Variants in DLEU7 observed in about 807,000 individuals in gnomAD.
The protein encoded by DLEU7 is leukemia-associated protein 7.
In DLEU7, 17 loss-of-function variants were observed where a neutral mutation model predicts 16.0. The ratio of observed to expected loss-of-function variants is 1.06; its 90% CI spans 0.73 to 1.59. DLEU7 has a LOEUF of 1.59. DLEU7 is among the 40% of genes most tolerant of loss of function. The pLI is 0.00. For synonymous variants in DLEU7, 113 were observed against 139.8 expected (o/e 0.81, Z 1.35); for missense variants, 308 against 314.9 (o/e 0.98, Z 0.17).
At chr13:50,760,285 T>C (rs993673698) in intron 1 of DLEU7, among the ~76,000 whole-genome samples, 2 of 152,218 alleles carry the variant, frequency 1.3e-5, no homozygotes, top group African/African-American at 4.8e-5. Flanking sequence ...TAATTAAACA[T>C]CTTTGAATAC....
upstream of DLEU7, chr13:50,843,703 G>A: frequency 6.8e-7 from 1 of 1,476,210 alleles, no homozygotes; most frequent in Non-Finnish European, 8.9e-7. This position sits in a 1 kb window ranked among gnomAD's most constrained non-coding sequence, Gnocchi z 5.7. Flanking sequence ...AGCGAGGGAG[G>A]CGGGGGCGTT....
At chr13:50,814,443 T>C (rs1255332457) in intron 1 of DLEU7, among the ~76,000 whole-genome samples, 1 of 152,082 alleles carries the variant, frequency 6.6e-6, no homozygotes, top group Non-Finnish European at 1.5e-5. Flanking sequence ...AGTTTATTTA[T>C]ATAAATTATG....
intron 1 of DLEU7, among the ~76,000 whole-genome samples, chr13:50,836,999 G>A (rs1179411801): frequency 6.6e-6 from 1 of 152,158 alleles, no homozygotes; most frequent in African/African-American, 2.4e-5. Context: ...ACAAATCACA[G>A]GGCCCAGAGC....
At chr13:50,713,869 C>T (rs896946707) in intron 1 of DLEU7, among the ~76,000 whole-genome samples, 5 of 152,182 alleles carry the variant, frequency 3.3e-5, no homozygotes, top group African/African-American at 1.2e-4. Context: ...TGCCTCCCTC[C>T]TCAGACACAC....
At chr13:50,837,495 C>T (rs1438971245) in intron 1 of DLEU7, among the ~76,000 whole-genome samples, 1 of 152,286 alleles carries the variant, frequency 6.6e-6, no homozygotes, top group African/African-American at 2.4e-5. Context: ...TCACCGTATC[C>T]GTGGCTTACG....
At chr13:50,775,555 G>A (rs1875468830) in intron 1 of DLEU7, among the ~76,000 whole-genome samples, 1 of 152,122 alleles carries the variant, frequency 6.6e-6, no homozygotes. Flanking sequence ...GTGTAGACTA[G>A]GAATCGGCCA....
intron 1 of DLEU7, among the ~76,000 whole-genome samples, chr13:50,715,160 A>G (rs1337470233): frequency 6.6e-6 from 1 of 152,160 alleles, no homozygotes; most frequent in East Asian, 1.9e-4. Context: ...AGAGCCAGCG[A>G]GAGTGTGAGT....
At position 50,823,121 on chromosome 13, in the gene DLEU7, T is replaced by C; in HGVS notation, c.*193A>G. On this transcript the variant is annotated 3_prime_UTR_variant, in exon 2 of 2. Transcript: ENST00000504404. ...TATACTTAAAAATATGAACTACTGCTTTAAAAAAATTTCATTAACATGCTA... is the reference window on the plus strand; with the variant it reads ...TATACTTAAAAATATGAACTACTGCCTTAAAAAAATTTCATTAACATGCTA... 1 of 1,386,430 alleles carries C rather than the reference T, an allele frequency of 7.2e-7. No homozygotes were observed. 85.9% of individuals were successfully genotyped at this position (1,386,430 alleles called of 1,614,324 possible).
At chr13:50,804,700 C>T (rs1876341846) in intron 1 of DLEU7, among the ~76,000 whole-genome samples, 1 of 152,116 alleles carries the variant, frequency 6.6e-6, no homozygotes. Context: ...CCAGCCTAGG[C>T]CTCTCAAAGT....
downstream of DLEU7, chr13:50,711,481 G>GA (rs1312014581): frequency 6.6e-6 from 1 of 152,060 alleles, no homozygotes; most frequent in African/African-American, 2.4e-5. Context: ...AGAAAATGAA[G>GA]AAAAAAGCCT....
At chr13:50,744,531 A>G (rs952993064) in intron 1 of DLEU7, among the ~76,000 whole-genome samples, 4 of 152,204 alleles carry the variant, frequency 2.6e-5, no homozygotes, top group Non-Finnish European at 5.9e-5. Flanking sequence ...CAGTAAGCAT[A>G]CTTTTGTGGG....
At chr13:50,819,397 T>G (rs1444856107), downstream of DLEU7, among the ~76,000 whole-genome samples, 3 of 152,112 alleles carry the variant, frequency 2.0e-5, no homozygotes, top group Admixed American at 2.0e-4. Flanking sequence ...AAAGGGAAGC[T>G]ATTGGTAGAG....
chr13:50,747,738 T>C (rs1421541158), intron 1 of DLEU7, among the ~76,000 whole-genome samples: 1 of 152,192 alleles, frequency 6.6e-6, no homozygotes, highest in African/African-American at 2.4e-5. Flanking sequence ...ATGGGAGTTA[T>C]AAACTTTGAC....
At chr13:50,750,619 T>G (rs983098333) in intron 1 of DLEU7, among the ~76,000 whole-genome samples, 1 of 152,178 alleles carries the variant, frequency 6.6e-6, no homozygotes, top group African/African-American at 2.4e-5. Context: ...AAAAGCATTT[T>G]GTAGTTTTCC....
At chr13:50,815,702 G>A (rs59551851) in intron 1 of DLEU7, among the ~76,000 whole-genome samples, 12,330 of 152,088 alleles carry the variant, frequency 0.081, 677 homozygotes, top group African/African-American at 0.15. Context: ...CACTTATGGT[G>A]CATGTGAATT....
At chr13:50,715,165 G>A (rs577391105) in intron 1 of DLEU7, among the ~76,000 whole-genome samples, 128 of 152,318 alleles carry the variant, frequency 8.4e-4, no homozygotes, top group Admixed American at 2.5e-3. Flanking sequence ...CAGCGAGAGT[G>A]TGAGTGTGTG....
intron 1 of DLEU7, among the ~76,000 whole-genome samples, chr13:50,813,934 G>A (rs2137793167): frequency 6.6e-6 from 1 of 152,188 alleles, no homozygotes; most frequent in Non-Finnish European, 1.5e-5. Flanking sequence ...ACCCACACTT[G>A]GAAATATTCA....
intron 1 of DLEU7, among the ~76,000 whole-genome samples, chr13:50,770,483 C>T (rs924502749): frequency 5.9e-5 from 9 of 152,140 alleles, no homozygotes; most frequent in Admixed American, 2.0e-4. Context: ...TATCATGAAG[C>T]GCTGTTGAAT....
At chr13:50,816,210 TATCTC>T (rs1876729994) in intron 1 of DLEU7, among the ~76,000 whole-genome samples, 1 of 151,344 alleles carries the variant, frequency 6.6e-6, no homozygotes, top group Admixed American at 6.6e-5. Flanking sequence ...AGATAACTTT[TATCTC>T]ATTCTCTCCC....
Sources: gnomAD v4.1 joint callset for allele counts (sites outside exome capture counted in the v4.1 genomes callset) on GRCh38, gnomAD v4.1.1 for gene constraint, Gnocchi (gnomAD v3.1) non-coding constraint, MANE v1.5 for transcripts, NCBI Gene and HGNC (gene_info 2026-07-23, HGNC 2026-07-21) for gene names.